Variants in TTC28 observed in about 807,000 individuals in gnomAD.
TTC28 encodes tetratricopeptide repeat protein 28.
Under a neutral mutation model 198.0 loss-of-function variants are expected in TTC28, and 61 were observed. The observed-to-expected ratio is 0.31, with a 90% confidence interval of 0.25 to 0.38. The LOEUF (loss-of-function observed/expected upper bound fraction) is 0.38. TTC28 is among the 10% of genes least tolerant of loss of function. The pLI, the probability that TTC28 is intolerant of heterozygous loss-of-function variation, is 1.00. For synonymous variants in TTC28, 1,171 were observed against 1,297.8 expected, an observed-to-expected ratio of 0.90 and a Z score of 2.10; for missense variants, 2,678 against 3,164.0, an observed-to-expected ratio of 0.85 and a Z score of 3.69.
chr22:28,441,782 C>G (rs1451086188), intron 2 of TTC28, among the ~76,000 whole-genome samples: 1 of 150,558 alleles, frequency 6.6e-6, no homozygotes, highest in Non-Finnish European at 1.5e-5. Flanking sequence ...CAGCGGCTAA[C>G]AGAGACAGGT....
chr22:28,015,594 T>C (rs1938337710), intron 13 of TTC28, among the ~76,000 whole-genome samples: 5 of 124,682 alleles, frequency 4.0e-5, no homozygotes, highest in African/African-American at 1.7e-4. Context: ...AGCTAATTTG[T>C]AAATTTTTTT....
intron 12 of TTC28, among the ~76,000 whole-genome samples, chr22:28,045,401 G>C (rs1939822875): frequency 6.6e-6 from 1 of 152,174 alleles, no homozygotes. Flanking sequence ...GTAGTAGAAA[G>C]AGCCCAAGGC....
chr22:27,985,669 T>C (rs1937185373), intron 21 of TTC28: 1 of 230,666 alleles, frequency 4.3e-6, no homozygotes, highest in South Asian at 8.3e-5. Context: ...TCACATGTTT[T>C]CTTTTCCATT....
intron 2 of TTC28, among the ~76,000 whole-genome samples, chr22:28,339,053 G>T (rs1386525633): frequency 6.6e-6 from 1 of 152,142 alleles, no homozygotes; most frequent in Non-Finnish European, 1.5e-5. Context: ...TGGGGTTTTG[G>T]TGTGGATGTC....
intron 3 of TTC28, 149 bp downstream of exon 3, chr22:28,306,347 A>C: frequency 3.2e-6 from 3 of 924,136 alleles, no homozygotes; most frequent in South Asian, 3.6e-5. Context: ...ACTTGCTGGC[A>C]GTGATTCTTG....
chr22:28,465,611 C>G (rs575148465), intron 2 of TTC28, among the ~76,000 whole-genome samples: 1 of 149,758 alleles, frequency 6.7e-6, no homozygotes, highest in Admixed American at 6.7e-5. Context: ...GCAACAAGAG[C>G]GAAACTCCGT....
chr22:28,053,779 G>A (rs1940173789), intron 12 of TTC28, among the ~76,000 whole-genome samples: 1 of 151,868 alleles, frequency 6.6e-6, no homozygotes, highest in African/African-American at 2.4e-5. Context: ...TTAGAGAAAG[G>A]GAAAACAAGG....
At position 28,106,489 on chromosome 22, in the gene TTC28, T is replaced by C. The variant is rs118174879; in HGVS notation, c.2783+573A>G. On this transcript the variant is annotated intron_variant, in intron 7 of 22. Coordinates refer to ENST00000397906, the MANE Select transcript of TTC28 (RefSeq NM_001145418.2). ...AATAAATCCCACATCCCACAGCAGATGATAATAGATATAGAGTAATACAAA... is the reference window on the plus strand; with the variant it reads ...AATAAATCCCACATCCCACAGCAGACGATAATAGATATAGAGTAATACAAA... 6.7e-3 allele frequency among the ~76,000 whole-genome samples: 1,028 copies of C among 152,312 alleles called. 9 individuals are homozygous for C. Among genetic ancestry groups the C allele is most frequent in the Middle Eastern group, 0.034 (10 of 294 alleles).
At chr22:28,202,699 C>T (rs186778462) in intron 5 of TTC28, among the ~76,000 whole-genome samples, 5 of 152,238 alleles carry the variant, frequency 3.3e-5, no homozygotes, top group East Asian at 3.9e-4. Context: ...TAGAGGTGCA[C>T]GCACTGTCTA....
At position 28,077,673 on chromosome 22, in the gene TTC28, A is replaced by C. The variant is rs141084273; in HGVS notation, c.3932+16407T>G. The stretch of plus-strand genomic sequence containing the variant: ...AATCTAAATTAACCAGTATTTTGAA[A>C]TAAGAAAATGTATTTGATTACAAAA... On this transcript the variant is annotated intron_variant, in intron 12 of 22. Coordinates refer to ENST00000397906, the MANE Select transcript of TTC28 (RefSeq NM_001145418.2). Among the ~76,000 whole-genome samples the C allele has an allele frequency of 9.7e-3, 1,485 of 152,374 alleles. 26 individuals are homozygous for C. The highest frequency in any genetic ancestry group is 0.033 in the African/African-American group (1,386 of 41,588).
intron 5 of TTC28, among the ~76,000 whole-genome samples, chr22:28,266,324 A>C (rs1217119777): frequency 1.3e-5 from 2 of 152,170 alleles, no homozygotes; most frequent in Non-Finnish European, 2.9e-5. Flanking sequence ...TCTCAAAAGG[A>C]ATCACAGGAA....
At chr22:28,384,184 C>T (rs2046538265) in intron 2 of TTC28, among the ~76,000 whole-genome samples, 1 of 152,112 alleles carries the variant, frequency 6.6e-6, no homozygotes, top group South Asian at 2.1e-4. Context: ...ATGTTCTATC[C>T]AAGATAAAAT....
intron 12 of TTC28, among the ~76,000 whole-genome samples, chr22:28,082,157 A>G (rs1465684391): frequency 6.6e-6 from 1 of 152,200 alleles, no homozygotes; most frequent in African/African-American, 2.4e-5. Flanking sequence ...TTTTTGGTAG[A>G]ATCTTTCAAG....
chr22:28,087,480 C>G (rs1429723660), intron 12 of TTC28, among the ~76,000 whole-genome samples: 2 of 152,112 alleles, frequency 1.3e-5, no homozygotes, highest in African/African-American at 4.8e-5. Context: ...GCTAAAAAGT[C>G]TCAATAAATT....
intron 2 of TTC28, among the ~76,000 whole-genome samples, chr22:28,527,045 A>G (rs2049016856): frequency 6.6e-6 from 1 of 152,198 alleles, no homozygotes; most frequent in South Asian, 2.1e-4. Flanking sequence ...GGCATGAGCC[A>G]CTGCACCCAG....
At position 28,262,002 on chromosome 22, in the gene TTC28, T is replaced by C. The variant is rs927773214; in HGVS notation, c.933+34196A>G. 4.6e-5 allele frequency among the ~76,000 whole-genome samples: 7 copies of C among 152,284 alleles called. No homozygotes were observed. In the East Asian group the frequency reaches 7.7e-4, roughly 17 times the overall value. On this transcript the variant is annotated intron_variant, in intron 5 of 22. Coordinates refer to ENST00000397906, the MANE Select transcript of TTC28 (RefSeq NM_001145418.2). The stretch of plus-strand genomic sequence containing the variant: ...AAGACTCCTAACTAAACTGACATTA[T>C]ACAGGGCCAACAAAGTTTGTTATGA...
chr22:27,996,363 G>A, intron 16 of TTC28, 104 bp from the exon 17 acceptor site: 1 of 1,467,208 alleles, frequency 6.8e-7, no homozygotes, highest in Non-Finnish European at 9.0e-7. Context: ...CCAGCAGAAA[G>A]AGCAGGGCCT....
At chr22:28,058,405 A>C (rs1170386987) in intron 12 of TTC28, among the ~76,000 whole-genome samples, 1 of 152,110 alleles carries the variant, frequency 6.6e-6, no homozygotes, top group Non-Finnish European at 1.5e-5. Flanking sequence ...ACATCTTAAC[A>C]ATGTTGAGTC....
intron 12 of TTC28, among the ~76,000 whole-genome samples, chr22:28,084,586 C>A (rs567769776): frequency 6.6e-6 from 1 of 152,228 alleles, no homozygotes; most frequent in African/African-American, 2.4e-5. Flanking sequence ...AAACTGGAAA[C>A]TCTAAAAATC....
Sources: allele counts gnomAD v4.1 joint callset (sites outside exome capture counted in the v4.1 genomes callset), GRCh38; gene constraint gnomAD v4.1.1; transcripts MANE v1.5; gene names NCBI Gene and HGNC (gene_info 2026-07-23, HGNC 2026-07-21).